The following MFN1 variants were observed in gnomAD, a reference collection of about 807,000 sequenced individuals.
The protein encoded by MFN1 is mitofusin-1.
In MFN1, 65 loss-of-function variants were observed where a neutral mutation model predicts 92.4. The ratio of observed to expected loss-of-function variants is 0.70; its 90% confidence interval spans 0.58 to 0.86. The LOEUF is 0.86. MFN1 is among the 40% of genes least tolerant of loss of function. The pLI, the probability that MFN1 is intolerant of heterozygous loss-of-function variation, is 0.00. For synonymous variants in MFN1, 297 were observed against 300.9 expected (o/e 0.99, Z 0.13); for missense variants, 781 against 868.0 (o/e 0.90, Z 1.26).
chr3:179,371,977 G>A (rs113448161), intron 9 of MFN1, among the ~76,000 whole-genome samples: 1 of 149,552 alleles, frequency 6.7e-6, no homozygotes, highest in African/African-American at 2.4e-5. Context: ...AAAAATATAT[G>A]CCTCTCTTTA....
chr3:179,391,799 G>A (rs1184892016), intron 17 of MFN1, among the ~76,000 whole-genome samples, 182 bp from the exon 18 acceptor site: 2 of 152,166 alleles, frequency 1.3e-5, no homozygotes, highest in East Asian at 3.8e-4. Context: ...TATTTAAAGG[G>A]AATTTGCAAG....
chr3:179,363,208 A>G (rs936895681), intron 5 of MFN1, among the ~76,000 whole-genome samples: 7 of 152,104 alleles, frequency 4.6e-5, no homozygotes, highest in African/African-American at 7.2e-5. Flanking sequence ...GGTTCAAGCC[A>G]TTCTTGTGCC....
At chr3:179,355,117 C>A (rs903473262) in intron 3 of MFN1, among the ~76,000 whole-genome samples, 2 of 151,992 alleles carry the variant, frequency 1.3e-5, no homozygotes, top group African/African-American at 4.8e-5. Context: ...CTTTTTAGCC[C>A]ATATATGCAT....
chr3:179,385,350 A>G (rs1713637666), intron 14 of MFN1, among the ~76,000 whole-genome samples: 1 of 151,710 alleles, frequency 6.6e-6, no homozygotes. Context: ...TTTAGACCCC[A>G]TTGTATATTA....
chr3:179,378,609 C>G lies in MFN1; in HGVS notation c.1457C>G (p.Ala486Gly), dbSNP rs1713345014. 6.2e-7 allele frequency: 1 copy of G among 1,611,168 alleles called. No homozygotes were observed. The highest frequency in any genetic ancestry group is 8.5e-7 in the Non-Finnish European group (1 of 1,178,282). Residue 486 changes from alanine to glycine, a missense_variant, in exon 14 of 18, where the codon GCT becomes GGT. Ala to Gly is a moderately conservative substitution (Grantham distance 60, BLOSUM62 0). Transcript: ENST00000471841. ...GAAAATTTGAAGCCATTACTTCCAG[C>G]TGGTATACAGGATAAACTACATACA... ...IIENLKPLLP[A>G]GIQDKLHTLI...
intron 17 of MFN1, among the ~76,000 whole-genome samples, chr3:179,390,780 G>A (rs1713870030): frequency 6.6e-6 from 1 of 152,132 alleles, no homozygotes; most frequent in African/African-American, 2.4e-5. Flanking sequence ...ACCTCATTTA[G>A]TCCCTGCTGT....
intron 14 of MFN1, among the ~76,000 whole-genome samples, chr3:179,381,276 C>T (rs1183546226): frequency 6.6e-6 from 1 of 152,196 alleles, no homozygotes; most frequent in Non-Finnish European, 1.5e-5. Flanking sequence ...GGTGGTACTG[C>T]AGGAAACATT....
Position 179,377,095 on chromosome 3 carries a change from G to A in MFN1, c.1151G>A (p.Arg384Gln), listed in dbSNP as rs767927289. The change falls in exon 11 of 18, where the codon CGA (arginine) becomes CAA (glutamine). Residue 384 changes from arginine to glutamine, a missense_variant. Coordinates refer to ENST00000471841, the MANE Select transcript of MFN1 (RefSeq NM_033540.3). ...CAAATTGATAGACTGGACTTTATTC[G>A]AAACCAGATGAACCTTTTAACACTG... ...EDQIDRLDFI[R>Q]NQMNLLTLDV... The A allele has an allele frequency of 9.3e-6, 15 of 1,613,754 alleles. No individual in the cohort carries two copies. The highest frequency in any genetic ancestry group is 3.3e-5 in the Admixed American group (2 of 59,980).
At chr3:179,351,647 G>A (rs901571317) in intron 2 of MFN1, among the ~76,000 whole-genome samples, 1 of 152,158 alleles carries the variant, frequency 6.6e-6, no homozygotes, top group African/African-American at 2.4e-5. Context: ...CTTGTCTCAA[G>A]GGTAGCTTGT....
chr3:179,378,674 A>T lies in MFN1; in HGVS notation c.1522A>T (p.Asn508Tyr). 6.2e-7 allele frequency: 1 copy of T among 1,613,878 alleles called. No individual in the cohort carries two copies. The highest frequency in any genetic ancestry group is 8.5e-7 in the Non-Finnish European group (1 of 1,179,848). ...GAAATTTGATCTCAGTTATAATCTAAATTACCACAAGTTATGTTCAGATTT... is the reference window on the plus strand; with the variant it reads ...GAAATTTGATCTCAGTTATAATCTATATTACCACAAGTTATGTTCAGATTT... ...CKKFDLSYNL[N>Y]YHKLCSDFQE... Residue 508 changes from asparagine (N) to tyrosine (Y), a missense_variant, in exon 14 of 18, where the codon AAT (asparagine) becomes TAT (tyrosine). Coordinates refer to ENST00000471841, the MANE Select transcript of MFN1 (RefSeq NM_033540.3).
rs544238207 is a variant in MFN1 at position 179,390,208 on chromosome 3, A to G, written c.2147+70A>G. 9.0e-5 allele frequency: 112 copies of G among 1,238,026 alleles called. No homozygotes were observed. In the African/African-American group the frequency reaches 1.6e-3, roughly 18 times the overall value. The allele number at this position is 1,238,026 out of a possible 1,614,324, so 76.7% of individuals were successfully genotyped here. ...CATTACAAAATATGTAAAATTATTA[A>G]TGAATTTGTATTCATTCCTAATAGC... is the stretch of plus-strand genomic sequence containing the variant. On this transcript the variant is annotated intron_variant, in intron 17 of 17. Transcript: ENST00000471841.
In MFN1 at chr3:179,391,907, T is replaced by TA; in HGVS notation, c.2148-74_2148-73insA. 5 of 930,494 alleles carry TA rather than the reference T, an allele frequency of 5.4e-6. 1 individual carries two copies. The South Asian group carries it at 7.4e-5, about 14-fold the overall frequency. The allele number at this position is 930,494 out of a possible 1,614,324, so 57.6% of individuals were successfully genotyped here. A position where few individuals can be genotyped will look rare whatever the true frequency, so the allele number is the denominator to read the frequency against. ...TGTTTATTATTAAAGTTTTTGTCTT[T>TA]TAATAATGGATGGAATGCATTTTTC... On this transcript the variant is annotated intron_variant, in intron 17 of 17. Coordinates refer to ENST00000471841, the MANE Select transcript of MFN1 (RefSeq NM_033540.3).
At chr3:179,351,245 G>A (rs896577283) in intron 2 of MFN1, among the ~76,000 whole-genome samples, 4 of 152,204 alleles carry the variant, frequency 2.6e-5, no homozygotes, top group Non-Finnish European at 4.4e-5. Context: ...CAGCCATGGA[G>A]GAGAGGTGAG....
At chr3:179,373,368 T>TA (rs1378070760) in intron 9 of MFN1, among the ~76,000 whole-genome samples, 4 of 152,124 alleles carry the variant, frequency 2.6e-5, no homozygotes, top group Non-Finnish European at 5.9e-5. Flanking sequence ...AATGTAGCAC[T>TA]AGAGTATTAA....
chr3:179,358,675 A>C (rs1408994354), intron 3 of MFN1, among the ~76,000 whole-genome samples, 165 bp from the exon 4 acceptor site: 1 of 152,224 alleles, frequency 6.6e-6, no homozygotes, highest in Non-Finnish European at 1.5e-5. Context: ...TGAAATGTAC[A>C]TTGCTAGTAT....
chr3:179,365,638 A>C (rs1165273597), intron 7 of MFN1, among the ~76,000 whole-genome samples: 1 of 152,144 alleles, frequency 6.6e-6, no homozygotes, highest in African/African-American at 2.4e-5. Flanking sequence ...AACACCCCAG[A>C]ACCTTCCTCT....
intron 9 of MFN1, among the ~76,000 whole-genome samples, chr3:179,374,610 C>G (rs952374959): frequency 1.2e-4 from 18 of 151,832 alleles, no homozygotes; most frequent in Admixed American, 1.2e-3. Flanking sequence ...TGTGTACACA[C>G]TATATTCTAA....
At chr3:179,380,062 C>T (rs7626133) in intron 14 of MFN1, among the ~76,000 whole-genome samples, 2,308 of 152,178 alleles carry the variant, frequency 0.015, 53 homozygotes, top group African/African-American at 0.052. Flanking sequence ...AACTGAAAAT[C>T]GAAGGGAACT....
chr3:179,358,358 G>A, intron 3 of MFN1, among the ~76,000 whole-genome samples: 1 of 151,940 alleles, frequency 6.6e-6, no homozygotes, highest in East Asian at 1.9e-4. Context: ...TCACCATGTT[G>A]GTCAGGCTGG....
Sources: gnomAD v4.1 joint callset for allele counts (sites outside exome capture counted in the v4.1 genomes callset) on GRCh38, gnomAD v4.1.1 for gene constraint, MANE v1.5 for transcripts, NCBI Gene and HGNC (gene_info 2026-07-23, HGNC 2026-07-21) for gene names.